SGPP2: variants seen among roughly 807,000 people sequenced by gnomAD.
SGPP2 encodes the protein sphingosine 1-phosphate phosphohydrolase 2.
A neutral mutation model predicts 33.9 loss-of-function variants in SGPP2; 30 were observed. The ratio of observed to expected loss-of-function variants is 0.89; its 90% CI spans 0.66 to 1.20. SGPP2 has a LOEUF of 1.20. SGPP2 is among the 50% of genes most tolerant of loss of function. The probability of loss-of-function intolerance (pLI) is 0.00; values close to 1 mark genes in which losing one functional copy is unlikely to be tolerated. For missense variants in SGPP2, 458 were observed against 532.1 expected, an observed-to-expected ratio of 0.86 and a Z score of 1.37; for synonymous variants, 233 against 225.0, an observed-to-expected ratio of 1.04 and a Z score of -0.32.
intron 2 of SGPP2, among the ~76,000 whole-genome samples, chr2:222,485,841 A>G (rs1336082367): frequency 6.6e-6 from 1 of 152,164 alleles, no homozygotes; most frequent in East Asian, 1.9e-4. Flanking sequence ...GGGGAAGGAG[A>G]GGCTTTCCTT....
chr2:222,555,374 T>A (rs1014589680), intron 4 of SGPP2, among the ~76,000 whole-genome samples: 1 of 152,000 alleles, frequency 6.6e-6, no homozygotes, highest in Non-Finnish European at 1.5e-5. Context: ...ATAAGTAAGC[T>A]TAGGGATATT....
intron 1 of SGPP2, among the ~76,000 whole-genome samples, chr2:222,455,346 A>T (rs1299510738): frequency 6.6e-6 from 1 of 152,084 alleles, no homozygotes; most frequent in African/African-American, 2.4e-5. Context: ...TGTGTAGGGG[A>T]GATGGAATCT....
At chr2:222,538,862 G>T (rs150782386) in intron 4 of SGPP2, among the ~76,000 whole-genome samples, 1 of 152,186 alleles carries the variant, frequency 6.6e-6, no homozygotes, top group East Asian at 1.9e-4. Context: ...ATTCATGAAG[G>T]ATCCGCCCCC....
At chr2:222,427,852 G>A (rs914730614) in intron 1 of SGPP2, among the ~76,000 whole-genome samples, 2 of 152,128 alleles carry the variant, frequency 1.3e-5, no homozygotes, top group Non-Finnish European at 2.9e-5. Context: ...TACACCACAC[G>A]CTGCTAGCTT....
chr2:222,474,480 C>T, intron 1 of SGPP2, 88 bp from the exon 2 acceptor site: 1 of 1,203,700 alleles, frequency 8.3e-7, no homozygotes, highest in Non-Finnish European at 1.2e-6. Flanking sequence ...AGCGTCTTGG[C>T]AATTGAGACC....
chr2:222,479,694 C>T (rs1312204015), intron 2 of SGPP2, among the ~76,000 whole-genome samples: 2 of 152,048 alleles, frequency 1.3e-5, no homozygotes, highest in African/African-American at 4.8e-5. Context: ...TGAGCCACCG[C>T]GCCCGGCCTC....
intron 4 of SGPP2, among the ~76,000 whole-genome samples, chr2:222,555,041 T>TG (rs1689365300): frequency 1.3e-5 from 2 of 151,036 alleles, no homozygotes; most frequent in South Asian, 2.1e-4. Context: ...CCTAGGCAAC[T>TG]GCTAATCAAT....
At chr2:222,446,920 A>G (rs549345824) in intron 1 of SGPP2, among the ~76,000 whole-genome samples, 4 of 152,358 alleles carry the variant, frequency 2.6e-5, no homozygotes, top group Admixed American at 2.0e-4. Context: ...CCGTAAACTC[A>G]GTAGTAAAGA....
Position 222,487,262 on chromosome 2 carries a change from T to C in SGPP2, c.378+12536T>C, listed in dbSNP as rs12615977. On this transcript the variant is annotated intron_variant, in intron 2 of 4. Transcript: ENST00000321276. ...GCCTCTATTTATTTTACCTAGCCCA[T>C]GTTTTTCTAGTAAGGTAGAATGAGA... is the stretch of plus-strand genomic sequence containing the variant. 5.8e-4 allele frequency among the ~76,000 whole-genome samples: 88 copies of C among 152,316 alleles called. 2 individuals carry two copies. The East Asian group carries it at 0.014, about 25-fold the overall frequency.
intron 2 of SGPP2, 144 bp from the exon 3 acceptor site, chr2:222,521,623 C>T (rs1698686161): frequency 1.3e-6 from 1 of 792,356 alleles, no homozygotes; most frequent in Non-Finnish European, 1.9e-6. Context: ...AAATATCCTA[C>T]AAGACTTTGC....
intron 4 of SGPP2, among the ~76,000 whole-genome samples, chr2:222,539,258 C>G (rs1698958533): frequency 6.6e-6 from 1 of 152,144 alleles, no homozygotes; most frequent in Non-Finnish European, 1.5e-5. Context: ...AGTCCAAAAC[C>G]CATCAGGGCA....
chr2:222,474,659 C>A lies in SGPP2; in HGVS notation c.311C>A (p.Thr104Lys). 1 of 1,613,796 alleles carries A rather than the reference C, an allele frequency of 6.2e-7. No individual in the cohort carries two copies. Among genetic ancestry groups the A allele is most frequent in the Non-Finnish European group, 8.5e-7 (1 of 1,179,750 alleles). Reference sequence around the variant, plus strand: ...TTGGGCCAAGAAGTGTTCTACATCACGTTTCTTCCATTCACTCACTGGAAT... The same window carrying A: ...TTGGGCCAAGAAGTGTTCTACATCAAGTTTCTTCCATTCACTCACTGGAAT... ...AALGQEVFYITFLPFTHWNID... is the reference protein window; with the variant it reads ...AALGQEVFYIKFLPFTHWNID... Residue 104 changes from threonine (T) to lysine (K), a missense_variant, in exon 2 of 5, where the codon ACG (threonine) becomes AAG (lysine). Coordinates refer to ENST00000321276, the MANE Select transcript of SGPP2 (RefSeq NM_152386.4).
chr2:222,424,557 C>A lies in SGPP2; in HGVS notation c.-46C>A, dbSNP rs1225333491. 1 of 1,171,958 alleles carries A rather than the reference C, an allele frequency of 8.5e-7. No homozygotes were observed. The highest frequency in any genetic ancestry group is 1.1e-6 in the Non-Finnish European group (1 of 938,482). 72.6% of individuals were successfully genotyped at this position (1,171,958 alleles called of 1,614,324 possible). On this transcript the variant is annotated 5_prime_UTR_variant, in exon 1 of 5. Transcript: ENST00000321276. ...GGAGTGGCGGTGCCAGCGGAGGGCA[C>A]CGGCCCGGCGTGGCAGCGGCGGCGG...
At chr2:222,529,145 C>A (rs1161268494) in intron 4 of SGPP2, among the ~76,000 whole-genome samples, 7 of 152,136 alleles carry the variant, frequency 4.6e-5, no homozygotes, top group Admixed American at 2.6e-4. Context: ...ATGTAATATT[C>A]TGTCCTTTCT....
rs893293499 is a variant in SGPP2, at chr2:222,527,694, C to A, written c.648+2661C>A. On this transcript the variant is annotated intron_variant, in intron 4 of 4. Coordinates refer to ENST00000321276, the MANE Select transcript of SGPP2 (RefSeq NM_152386.4). ...GTCAGGACCCAGGGCTTCTTTCATG[C>A]TCATAATTTTATTTCATAAAGATCT... Among the ~76,000 whole-genome samples the A allele has an allele frequency of 1.5e-4, 23 of 152,294 alleles. No homozygotes were observed. The Middle Eastern group carries it at 0.014, about 90-fold the overall frequency.
intron 4 of SGPP2, among the ~76,000 whole-genome samples, chr2:222,556,057 G>A (rs1016233385): frequency 2.6e-5 from 4 of 152,170 alleles, no homozygotes; most frequent in African/African-American, 9.7e-5. Context: ...GGGGCTGTTG[G>A]AAGACTTAGA....
chr2:222,505,817 C>A (rs1698436149), intron 2 of SGPP2, among the ~76,000 whole-genome samples: 1 of 151,726 alleles, frequency 6.6e-6, no homozygotes, highest in Non-Finnish European at 1.5e-5. Flanking sequence ...TACCTGTAGT[C>A]CCAGCTACTT....
At chr2:222,539,653 C>T (rs529362330) in intron 4 of SGPP2, among the ~76,000 whole-genome samples, 17 of 152,318 alleles carry the variant, frequency 1.1e-4, no homozygotes, top group Non-Finnish European at 1.5e-4. Context: ...TTGGAGCTCA[C>T]GTTTCTGAGG....
intron 1 of SGPP2, among the ~76,000 whole-genome samples, chr2:222,427,121 C>T (rs532191309): frequency 6.6e-6 from 1 of 152,322 alleles, no homozygotes; most frequent in South Asian, 2.1e-4. Flanking sequence ...TATTCCCCGC[C>T]CCTCCAGAGG....
Sources: allele counts gnomAD v4.1 joint callset (sites outside exome capture counted in the v4.1 genomes callset), GRCh38; gene constraint gnomAD v4.1.1; transcripts MANE v1.5; gene names NCBI Gene and HGNC (gene_info 2026-07-23, HGNC 2026-07-21).